Variants in SYN2 observed in about 807,000 individuals in gnomAD.
The protein encoded by SYN2 is synapsin II, also known as synapsin-2.
In SYN2, 19 loss-of-function variants were observed where a neutral mutation model predicts 50.9. The ratio of observed to expected loss-of-function variants is 0.37; its 90% CI spans 0.26 to 0.55. SYN2 has a LOEUF of 0.55. SYN2 is among the 20% of genes least tolerant of loss of function. SYN2 has a pLI of 0.81. For missense variants in SYN2, 587 were observed against 576.4 expected, an observed-to-expected ratio of 1.02 and a Z score of -0.19; for synonymous variants, 255 against 224.9, an observed-to-expected ratio of 1.13 and a Z score of -1.20.
At chr3:12,153,810 A>G in intron 5 of SYN2, 2 of 1,300,388 alleles carry the variant, frequency 1.5e-6, no homozygotes, top group Non-Finnish European at 2.2e-6. Context: ...CCCATCTCAA[A>G]TGCCCCCTAT....
intron 3 of SYN2, among the ~76,000 whole-genome samples, chr3:12,145,015 A>G (rs112110461): frequency 0.029 from 4,402 of 152,290 alleles, 100 homozygotes; most frequent in Non-Finnish European, 0.037. Context: ...TGGGCAACGG[A>G]GCAAGACTTG....
chr3:12,180,065 C>T (rs1241709097), intron 10 of SYN2, among the ~76,000 whole-genome samples: 1 of 152,176 alleles, frequency 6.6e-6, no homozygotes, highest in African/African-American at 2.4e-5. Flanking sequence ...CCTCTTGCCA[C>T]AGCCCTCTGG....
intron 1 of SYN2, among the ~76,000 whole-genome samples, chr3:12,019,346 A>G (rs1304998363): frequency 1.3e-5 from 2 of 152,228 alleles, no homozygotes; most frequent in Non-Finnish European, 2.9e-5. Flanking sequence ...TGTTAGCTCA[A>G]CTATGAGTTG....
chr3:12,121,704 AGGAGGGAGGAAG>A (rs899292764), intron 1 of SYN2, among the ~76,000 whole-genome samples: 6 of 142,356 alleles, frequency 4.2e-5, no homozygotes, highest in Non-Finnish European at 6.1e-5. Flanking sequence ...GAGGGCAGGG[AGGAGGGAGGAAG>A]GGAGGGAGGA....
rs77356221 is a variant in SYN2 at position 12,151,620 on chromosome 3, C to T, written c.774+294C>T. ...CACTGCTTTTGAGTCCCAGCCCTGGCTCTGCCACTTGTCATTGAACAAGCT... is the reference window on the plus strand; with the variant it reads ...CACTGCTTTTGAGTCCCAGCCCTGGTTCTGCCACTTGTCATTGAACAAGCT... On this transcript the variant is annotated intron_variant, in intron 5 of 12. Coordinates refer to ENST00000621198, the MANE Select transcript of SYN2 (RefSeq NM_133625.6). Among the ~76,000 whole-genome samples the T allele has an allele frequency of 2.2e-4, 34 of 152,372 alleles. No individual in the cohort carries two copies. The East Asian group carries it at 6.6e-3, about 29-fold the overall frequency.
chr3:12,057,263 A>T (rs554294199), intron 1 of SYN2, among the ~76,000 whole-genome samples: 1 of 148,204 alleles, frequency 6.7e-6, no homozygotes, highest in Non-Finnish European at 1.5e-5. Flanking sequence ...CTGCACTCCA[A>T]CCTGGGCGAC....
intron 1 of SYN2, among the ~76,000 whole-genome samples, chr3:12,053,238 T>C (rs1694907144): frequency 6.6e-6 from 1 of 151,682 alleles, no homozygotes; most frequent in African/African-American, 2.4e-5. Context: ...CTCACCAACA[T>C]GGTGAAACCC....
At chr3:12,103,533 C>T (rs1196084105) in intron 1 of SYN2, among the ~76,000 whole-genome samples, 2 of 152,120 alleles carry the variant, frequency 1.3e-5, no homozygotes, top group East Asian at 3.8e-4. Context: ...CTTAGTGATG[C>T]AAAATGTCAG....
chr3:12,100,543 C>G (rs576976523), intron 1 of SYN2, among the ~76,000 whole-genome samples: 1 of 152,074 alleles, frequency 6.6e-6, no homozygotes. Flanking sequence ...CATATTAAAT[C>G]TTAGTGACCT....
chr3:12,108,531 A>G (rs1029322973), intron 1 of SYN2, among the ~76,000 whole-genome samples: 1 of 152,164 alleles, frequency 6.6e-6, no homozygotes, highest in African/African-American at 2.4e-5. Context: ...GAGGGCTTTG[A>G]CTTAAGGTAT....
chr3:12,187,721 A>G (rs1378403979), intron 12 of SYN2, 109 bp downstream of exon 12: 1 of 1,387,100 alleles, frequency 7.2e-7, no homozygotes, highest in East Asian at 2.6e-5. Context: ...TCCTACAGAT[A>G]TTTTGTGATG....
chr3:12,150,588 A>G (rs1000284999), intron 4 of SYN2, among the ~76,000 whole-genome samples: 1 of 152,178 alleles, frequency 6.6e-6, no homozygotes, highest in Admixed American at 6.5e-5. Flanking sequence ...CCATGGAGCT[A>G]TTCCAGTTTC....
intron 7 of SYN2, among the ~76,000 whole-genome samples, chr3:12,164,119 T>G (rs1370871941): frequency 6.6e-6 from 1 of 152,036 alleles, no homozygotes; most frequent in East Asian, 1.9e-4. Flanking sequence ...AAAACCATTA[T>G]AAAAACTTGC....
intron 1 of SYN2, among the ~76,000 whole-genome samples, chr3:12,085,127 T>C (rs1318841311): frequency 1.3e-5 from 2 of 148,954 alleles, no homozygotes; most frequent in African/African-American, 4.9e-5. Flanking sequence ...AAAAAAAATA[T>C]GTTGCCTACA....
At chr3:12,174,957 A>G (rs952233835) in intron 10 of SYN2, among the ~76,000 whole-genome samples, 2 of 152,224 alleles carry the variant, frequency 1.3e-5, no homozygotes, top group Admixed American at 1.3e-4. Context: ...AAGGTTCTCA[A>G]GAGTACAGAC....
At chr3:12,153,355 A>G in intron 5 of SYN2, 1 of 816,880 alleles carries the variant, frequency 1.2e-6, no homozygotes, top group East Asian at 2.6e-5. Flanking sequence ...CAGAAAAGTC[A>G]TGGCCCCTTC....
chr3:12,015,111 T>G (rs1694000256), intron 1 of SYN2, among the ~76,000 whole-genome samples: 2 of 152,208 alleles, frequency 1.3e-5, no homozygotes, highest in African/African-American at 2.4e-5. Flanking sequence ...CCCTGTGTCT[T>G]TATTTGTACT....
intron 1 of SYN2, among the ~76,000 whole-genome samples, chr3:12,024,569 G>T (rs1694215012): frequency 1.3e-5 from 2 of 152,048 alleles, no homozygotes; most frequent in South Asian, 2.1e-4. Flanking sequence ...GGTTTCTTTT[G>T]TTTAACATAA....
chr3:12,136,679 G>A (rs1157331977), intron 1 of SYN2, among the ~76,000 whole-genome samples: 1 of 152,166 alleles, frequency 6.6e-6, no homozygotes, highest in Non-Finnish European at 1.5e-5. Flanking sequence ...ACTTCCTTGA[G>A]TAACAAGAGT....
Sources: gnomAD v4.1 joint callset for allele counts (sites outside exome capture counted in the v4.1 genomes callset) on GRCh38, gnomAD v4.1.1 for gene constraint, MANE v1.5 for transcripts, NCBI Gene and HGNC (gene_info 2026-07-23, HGNC 2026-07-21) for gene names.